COL19A1: variants seen among roughly 807,000 people sequenced by gnomAD.
The protein encoded by COL19A1 is collagen type XIX alpha 1 chain, also known as collagen alpha-1(XIX) chain.
A neutral mutation model predicts 190.2 loss-of-function variants in COL19A1; 159 were observed. The observed-to-expected ratio is 0.84, with a 90% CI of 0.73 to 0.95. COL19A1 has a LOEUF of 0.95. COL19A1 is among the 40% of genes least tolerant of loss of function. The pLI is 0.00. For synonymous variants in COL19A1, 509 were observed against 458.9 expected, an observed-to-expected ratio of 1.11 and a Z score of -1.39; for missense variants, 1,418 against 1,431.9, an observed-to-expected ratio of 0.99 and a Z score of 0.16.
chr6:70,204,027 A>T (rs906832210), intron 49 of COL19A1, among the ~76,000 whole-genome samples: 3 of 151,930 alleles, frequency 2.0e-5, no homozygotes, highest in Non-Finnish European at 4.4e-5. Context: ...TGCCCAGCTA[A>T]TTTTTGTATT....
chr6:70,144,267 T>C lies in COL19A1; in HGVS notation c.1680+4T>C, dbSNP rs750654308. 6.8e-6 allele frequency: 11 copies of C among 1,610,110 alleles called. No individual in the cohort carries two copies. The highest frequency in any genetic ancestry group is 2.2e-5 in the East Asian group (1 of 44,814). On this transcript the variant is annotated splice_donor_region_variant and intron_variant, in intron 24 of 50. Coordinates refer to ENST00000620364, the MANE Select transcript of COL19A1 (RefSeq NM_001858.6). The stretch of plus-strand genomic sequence containing the variant: ...ACAAGGCATTAAAGGAGAAAAGGTA[T>C]AGTTTACATTTTCCTCATTTTATAT...
In COL19A1 at chr6:70,168,056, G is replaced by A. The variant is rs745411039; in HGVS notation, c.2477G>A (p.Ser826Asn). The A allele has an allele frequency of 2.4e-5, 38 of 1,597,952 alleles. No individual in the cohort carries two copies. Among genetic ancestry groups the A allele is most frequent in the Non-Finnish European group, 2.9e-5 (34 of 1,170,082 alleles). The part of the protein sequence containing the change: ...GIPFNERNGM[S>N]SLYKIKGGVN... Reference sequence around the variant, plus strand: ...CCATTTAATGAACGAAACGGCATGAGCAGTTTATATAAAATTAAGGTATTT... The same window carrying A: ...CCATTTAATGAACGAAACGGCATGAACAGTTTATATAAAATTAAGGTATTT... Residue 826 changes from serine to asparagine, a missense_variant, in exon 38 of 51, where the codon AGC (serine) becomes AAC (asparagine). Physicochemically the swap from Ser to Asn is conservative, Grantham distance 46. Transcript: ENST00000620364.
At chr6:70,061,758 A>C (rs1186438625) in intron 14 of COL19A1, among the ~76,000 whole-genome samples, 1 of 152,122 alleles carries the variant, frequency 6.6e-6, no homozygotes, top group East Asian at 1.9e-4. Context: ...GTTATATATT[A>C]GTTTGACTAT....
At chr6:70,114,541 GTTAT>G (rs1273147328) in intron 16 of COL19A1, among the ~76,000 whole-genome samples, 1 of 152,074 alleles carries the variant, frequency 6.6e-6, no homozygotes, top group Non-Finnish European at 1.5e-5. Flanking sequence ...GGTAACTATT[GTTAT>G]TTATTAATAT....
At chr6:70,077,907 G>GA (rs1477449404) in intron 15 of COL19A1, among the ~76,000 whole-genome samples, 2 of 151,510 alleles carry the variant, frequency 1.3e-5, no homozygotes, top group Non-Finnish European at 2.9e-5. Flanking sequence ...GATATCATTG[G>GA]AAAAAATCTA....
At chr6:69,910,640 A>C (rs1008954517) in intron 4 of COL19A1, among the ~76,000 whole-genome samples, 5 of 152,190 alleles carry the variant, frequency 3.3e-5, no homozygotes, top group African/African-American at 1.2e-4. Flanking sequence ...GGCCAGTCTA[A>C]TAGGCATTGA....
At chr6:70,103,584 T>A (rs1435526749) in intron 16 of COL19A1, among the ~76,000 whole-genome samples, 1 of 152,238 alleles carries the variant, frequency 6.6e-6, no homozygotes, top group Admixed American at 6.5e-5. Context: ...CTTCCTTCTT[T>A]TGTAATCAGT....
At chr6:70,168,787 T>A in intron 40 of COL19A1, 106 bp downstream of exon 40, 1 of 1,179,326 alleles carries the variant, frequency 8.5e-7, no homozygotes, top group South Asian at 1.4e-5. Flanking sequence ...GTTCATCAAT[T>A]AACATGCTGG....
At chr6:70,044,565 T>C (rs1317709398) in intron 14 of COL19A1, among the ~76,000 whole-genome samples, 2 of 152,188 alleles carry the variant, frequency 1.3e-5, no homozygotes, top group African/African-American at 4.8e-5. Context: ...GGCCATTGTA[T>C]GGTTATTAAT....
At chr6:70,084,976 G>T (rs1412686896) in intron 15 of COL19A1, among the ~76,000 whole-genome samples, 1 of 152,086 alleles carries the variant, frequency 6.6e-6, no homozygotes, top group African/African-American at 2.4e-5. Context: ...CAGTTCTTCA[G>T]TTATACAACC....
intron 15 of COL19A1, among the ~76,000 whole-genome samples, chr6:70,100,979 G>A (rs1358940303): frequency 1.3e-5 from 2 of 152,080 alleles, no homozygotes; most frequent in Admixed American, 6.6e-5. Context: ...TGTTTCAACT[G>A]GCATTTAGAC....
intron 9 of COL19A1, among the ~76,000 whole-genome samples, chr6:69,955,540 T>C (rs1582514723): frequency 6.6e-6 from 1 of 151,000 alleles, no homozygotes; most frequent in East Asian, 1.9e-4. Context: ...TGTGTGTGTG[T>C]GTGTGTGTGT....
intron 2 of COL19A1, among the ~76,000 whole-genome samples, chr6:69,885,198 G>C (rs772121030): frequency 2.6e-4 from 40 of 152,150 alleles, no homozygotes; most frequent in Non-Finnish European, 5.0e-4. Flanking sequence ...CACCACCTCT[G>C]TAAGTTGCCC....
chr6:70,100,444 C>A (rs770975566), intron 15 of COL19A1, among the ~76,000 whole-genome samples: 3 of 151,794 alleles, frequency 2.0e-5, no homozygotes, highest in African/African-American at 7.3e-5. Flanking sequence ...TTCAATCTTA[C>A]AATCCTCCAA....
At chr6:70,201,036 A>T (rs925739329) in intron 49 of COL19A1, among the ~76,000 whole-genome samples, 2 of 152,190 alleles carry the variant, frequency 1.3e-5, no homozygotes, top group African/African-American at 4.8e-5. Context: ...GCTAATTATT[A>T]TCTTTCGCTG....
At chr6:70,056,612 A>C (rs3805994) in intron 14 of COL19A1, among the ~76,000 whole-genome samples, 82,924 of 151,910 alleles carry the variant, frequency 0.55, 23,501 homozygotes, top group African/African-American at 0.68. Context: ...CATTCTTCTC[A>C]TAATAGAGCC....
chr6:70,055,278 G>GGATATAATC (rs1780427724), intron 14 of COL19A1, among the ~76,000 whole-genome samples: 1 of 152,032 alleles, frequency 6.6e-6, no homozygotes, highest in African/African-American at 2.4e-5. Flanking sequence ...AAGTAGGTAT[G>GGATATAATC]GATATAATCT....
At chr6:69,874,247 C>A (rs77583912) in intron 1 of COL19A1, among the ~76,000 whole-genome samples, 5,385 of 152,288 alleles carry the variant, frequency 0.035, 324 homozygotes, top group African/African-American at 0.12. Flanking sequence ...AGACACAAGG[C>A]AAACTTTGCC....
intron 15 of COL19A1, 121 bp from the exon 16 acceptor site, chr6:70,102,048 T>C (rs1158942695): frequency 1.2e-6 from 1 of 851,000 alleles, no homozygotes; most frequent in Admixed American, 2.1e-5. Context: ...CATGTGGAAT[T>C]GGAATTGTTT....
Sources: gnomAD v4.1 joint callset for allele counts (sites outside exome capture counted in the v4.1 genomes callset) on GRCh38, gnomAD v4.1.1 for gene constraint, MANE v1.5 for transcripts, NCBI Gene and HGNC (gene_info 2026-07-23, HGNC 2026-07-21) for gene names.